KCNIP4: variants seen among roughly 807,000 people sequenced by gnomAD.
KCNIP4 encodes potassium voltage-gated channel interacting protein 4.
A neutral mutation model predicts 34.0 loss-of-function variants in KCNIP4; 12 were observed. The ratio of observed to expected loss-of-function variants is 0.35; its 90% CI spans 0.23 to 0.57. The LOEUF is 0.57. KCNIP4 is among the 20% of genes least tolerant of loss of function. KCNIP4 has a pLI of 0.83. For missense variants in KCNIP4, 238 were observed against 311.7 expected, an observed-to-expected ratio of 0.76 and a Z score of 1.78; for synonymous variants, 124 against 102.2, an observed-to-expected ratio of 1.21 and a Z score of -1.29.
At chr4:21,926,170 C>T (rs1729234793) in intron 1 of KCNIP4, among the ~76,000 whole-genome samples, 1 of 152,146 alleles carries the variant, frequency 6.6e-6, no homozygotes, top group Admixed American at 6.5e-5. Flanking sequence ...TGGCTAAAAG[C>T]TTTCTATGCA....
chr4:21,556,357 G>A (rs1440835819), intron 1 of KCNIP4, among the ~76,000 whole-genome samples: 1 of 152,004 alleles, frequency 6.6e-6, no homozygotes, highest in African/African-American at 2.4e-5. Flanking sequence ...CATTCTAGAG[G>A]AGTTAAATGA....
chr4:21,663,666 T>C (rs536663695), intron 1 of KCNIP4, among the ~76,000 whole-genome samples: 2 of 152,302 alleles, frequency 1.3e-5, no homozygotes, highest in East Asian at 3.9e-4. Context: ...TCACTGATTC[T>C]TGAAAGGTCC....
At position 20,986,161 on chromosome 4, in the gene KCNIP4, C is replaced by T. The variant is rs112548529; in HGVS notation, c.62-103452G>A. On this transcript the variant is annotated intron_variant, in intron 1 of 8. Transcript: ENST00000382152. ...TGAAACGACTTTGCTTTTCCCTGGTCCTGCCACCCCTGCTCCAAGGTCTAG... is the reference window on the plus strand; with the variant it reads ...TGAAACGACTTTGCTTTTCCCTGGTTCTGCCACCCCTGCTCCAAGGTCTAG... 7.2e-5 allele frequency among the ~76,000 whole-genome samples: 11 copies of T among 152,226 alleles called. 2 individuals carry two copies. The highest frequency in any genetic ancestry group is 2.6e-4 in the African/African-American group (11 of 41,524).
intron 1 of KCNIP4, among the ~76,000 whole-genome samples, chr4:21,765,131 T>C (rs553104448): frequency 6.7e-6 from 1 of 149,986 alleles, no homozygotes; most frequent in Non-Finnish European, 1.5e-5. Flanking sequence ...CAATGGCTTT[T>C]TGTCATTGTT....
intron 1 of KCNIP4, among the ~76,000 whole-genome samples, chr4:21,381,854 C>T (rs1721539799): frequency 2.0e-5 from 3 of 152,144 alleles, no homozygotes; most frequent in Non-Finnish European, 2.9e-5. Flanking sequence ...CCTGGAGATA[C>T]AGCAGTGAGC....
chr4:20,821,628 C>T (rs1412992929), intron 3 of KCNIP4, among the ~76,000 whole-genome samples: 2 of 152,022 alleles, frequency 1.3e-5, no homozygotes, highest in African/African-American at 2.4e-5. Context: ...TGATCTCTCA[C>T]CCCCTCCCAC....
At chr4:21,495,163 G>A (rs548247766) in intron 1 of KCNIP4, among the ~76,000 whole-genome samples, 33 of 149,950 alleles carry the variant, frequency 2.2e-4, no homozygotes, top group Non-Finnish European at 4.0e-4. Context: ...TTCACTATTC[G>A]TTCTTTGTTG....
At chr4:21,367,522 C>G (rs528314315) in intron 1 of KCNIP4, among the ~76,000 whole-genome samples, 2 of 130,978 alleles carry the variant, frequency 1.5e-5, no homozygotes, top group Admixed American at 6.9e-5. Context: ...AGATCAAAAC[C>G]AAGGCTGGGT....
intron 1 of KCNIP4, among the ~76,000 whole-genome samples, chr4:21,939,867 A>G (rs1291439462): frequency 6.6e-6 from 1 of 152,206 alleles, no homozygotes; most frequent in African/African-American, 2.4e-5. Context: ...TAGATGATGT[A>G]TAATAATATC....
intron 1 of KCNIP4, among the ~76,000 whole-genome samples, chr4:21,690,727 T>C (rs544008306): frequency 6.6e-6 from 1 of 152,278 alleles, no homozygotes; most frequent in South Asian, 2.1e-4. Flanking sequence ...AACACAGCCA[T>C]CAATGTGCCT....
chr4:20,798,371 A>G (rs1035364166), intron 3 of KCNIP4, among the ~76,000 whole-genome samples: 1 of 152,178 alleles, frequency 6.6e-6, no homozygotes, highest in African/African-American at 2.4e-5. Context: ...CCATGTCTAA[A>G]GGATAAAAGC....
At chr4:21,918,796 G>A (rs576088097) in intron 1 of KCNIP4, among the ~76,000 whole-genome samples, 1 of 152,212 alleles carries the variant, frequency 6.6e-6, no homozygotes, top group African/African-American at 2.4e-5. Context: ...ATTTTCATGG[G>A]CAAAAAAATA....
At chr4:21,474,997 T>C (rs1451865506) in intron 1 of KCNIP4, among the ~76,000 whole-genome samples, 1 of 91,124 alleles carries the variant, frequency 1.1e-5, no homozygotes, top group Non-Finnish European at 2.5e-5. Context: ...TGAGACTCCA[T>C]CTCGAAAAAC....
At chr4:21,248,060 ATGTGTG>A (rs111240655) in intron 1 of KCNIP4, among the ~76,000 whole-genome samples, 1 of 145,286 alleles carries the variant, frequency 6.9e-6, no homozygotes, top group Non-Finnish European at 1.5e-5. Flanking sequence ...ATATATATAT[ATGTGTG>A]TGTGTGTGTG....
chr4:20,909,556 G>A (rs1728129454), intron 1 of KCNIP4, among the ~76,000 whole-genome samples: 1 of 152,166 alleles, frequency 6.6e-6, no homozygotes, highest in African/African-American at 2.4e-5. Context: ...AGCCCACTAT[G>A]AGAGAAACAG....
At chr4:21,868,883 C>T (rs770048171) in intron 1 of KCNIP4, among the ~76,000 whole-genome samples, 22 of 152,204 alleles carry the variant, frequency 1.4e-4, no homozygotes, top group Non-Finnish European at 2.2e-4. Context: ...CATATTTACA[C>T]GACAGGTTGA....
chr4:21,057,939 A>T (rs1057205569), intron 1 of KCNIP4, among the ~76,000 whole-genome samples: 3 of 152,222 alleles, frequency 2.0e-5, no homozygotes, highest in African/African-American at 7.2e-5. Context: ...GAAGGAAGAA[A>T]AATTTAAAGA....
chr4:21,697,976 CA>C (rs1239552632), intron 1 of KCNIP4: 1 of 152,618 alleles, frequency 6.6e-6, no homozygotes, highest in Non-Finnish European at 1.5e-5. Context: ...GAATGATTCC[CA>C]AAAAAAGGAG....
intron 1 of KCNIP4, among the ~76,000 whole-genome samples, chr4:21,577,774 C>T (rs1235254247): frequency 1.3e-5 from 2 of 152,152 alleles, no homozygotes; most frequent in Admixed American, 1.3e-4. Context: ...TAGCTCCTTC[C>T]TCTATTTGGA....
Sources: gnomAD v4.1 joint callset for allele counts (sites outside exome capture counted in the v4.1 genomes callset) on GRCh38, gnomAD v4.1.1 for gene constraint, MANE v1.5 for transcripts, NCBI Gene and HGNC (gene_info 2026-07-23, HGNC 2026-07-21) for gene names.